NAALADL2: variants seen among roughly 807,000 people sequenced by gnomAD.
NAALADL2 encodes the protein inactive N-acetylated-alpha-linked acidic dipeptidase-like protein 2.
NAALADL2 carries 76 observed loss-of-function variants against 87.2 expected under a neutral mutation model. The ratio of observed to expected loss-of-function variants is 0.87; its 90% CI spans 0.72 to 1.05. The LOEUF is 1.05. NAALADL2 is among the 50% of genes least tolerant of loss of function. The pLI is 0.00. For synonymous variants in NAALADL2, 354 were observed against 331.0 expected (o/e 1.07, Z -0.75); for missense variants, 1,089 against 945.8 (o/e 1.15, Z -1.99).
intron 1 of NAALADL2, among the ~76,000 whole-genome samples, chr3:174,878,744 C>T (rs1728823140): frequency 6.6e-6 from 1 of 151,934 alleles, no homozygotes; most frequent in South Asian, 2.1e-4. Flanking sequence ...ACCCCTTCTG[C>T]TGTTCATTAA....
chr3:175,598,370 C>CTATT, intron 10 of NAALADL2, among the ~76,000 whole-genome samples: 1 of 148,554 alleles, frequency 6.7e-6, no homozygotes, highest in African/African-American at 2.5e-5. Flanking sequence ...TTTGTAAATG[C>CTATT]TATTGATTCT....
At chr3:174,826,028 A>AAC (rs1553866180) in intron 3 of NAALADL2, among the ~76,000 whole-genome samples, 6 of 150,458 alleles carry the variant, frequency 4.0e-5, no homozygotes, top group Non-Finnish European at 8.9e-5. Context: ...ACTCCATCTC[A>AAC]AACAACAACA....
chr3:174,884,974 GCA>G (rs927284575), intron 1 of NAALADL2, among the ~76,000 whole-genome samples: 3 of 152,112 alleles, frequency 2.0e-5, no homozygotes, highest in African/African-American at 4.8e-5. Flanking sequence ...GTCTCAGGCA[GCA>G]CAGTGTTTAT....
In NAALADL2 at chr3:175,799,530, C is replaced by T. The variant is rs140860985; in HGVS notation, c.2190-3475C>T. 9.4e-4 allele frequency among the ~76,000 whole-genome samples: 143 copies of T among 152,088 alleles called. 1 individual carries two copies. Among genetic ancestry groups the T allele is most frequent in the African/African-American group, 3.2e-3 (134 of 41,522 alleles). On this transcript the variant is annotated intron_variant, in intron 13 of 13. Coordinates refer to ENST00000454872, the MANE Select transcript of NAALADL2 (RefSeq NM_207015.3). ...GAAGCCAAGTCTTTTTCCTAAATGA[C>T]AAGAAAGCTTATGTTAGCCTGAAAA... is the stretch of plus-strand genomic sequence containing the variant.
intron 3 of NAALADL2, among the ~76,000 whole-genome samples, chr3:175,236,411 C>T (rs1206089806): frequency 6.6e-6 from 1 of 151,486 alleles, no homozygotes; most frequent in African/African-American, 2.4e-5. Context: ...TAACCGGGCC[C>T]GGTGGCAGGC....
chr3:174,717,275 C>T (rs1275206272), intron 2 of NAALADL2, among the ~76,000 whole-genome samples: 2 of 152,006 alleles, frequency 1.3e-5, no homozygotes, highest in African/African-American at 4.8e-5. Flanking sequence ...CAGAGAGACT[C>T]ATTATAAAGC....
At chr3:175,433,416 G>A (rs1407548333) in intron 5 of NAALADL2, among the ~76,000 whole-genome samples, 4 of 151,996 alleles carry the variant, frequency 2.6e-5, no homozygotes, top group Admixed American at 1.3e-4. Context: ...CCATTATCAT[G>A]GAAATGCTTT....
In NAALADL2 at chr3:174,746,922, T is replaced by C. The variant is rs1317146073; in HGVS notation, c.-9+9176T>C. Among the ~76,000 whole-genome samples the C allele has an allele frequency of 2.6e-5, 4 of 152,148 alleles. No individual in the cohort carries two copies. The East Asian group carries it at 7.8e-4, about 29-fold the overall frequency. On this transcript the variant is annotated intron_variant, in intron 3 of 3. Coordinates refer to the NAALADL2 transcript ENST00000434257. Reference sequence around the variant, plus strand: ...CCCTTCCTTACAGCTTATACAAACATTAAACTCAAGATGGATTAAAGACTG... The same window carrying C: ...CCCTTCCTTACAGCTTATACAAACACTAAACTCAAGATGGATTAAAGACTG...
intron 1 of NAALADL2, among the ~76,000 whole-genome samples, chr3:174,938,341 G>T (rs1380849262): frequency 6.6e-6 from 1 of 152,012 alleles, no homozygotes; most frequent in East Asian, 1.9e-4. Flanking sequence ...CCATGTTTCT[G>T]CAAAAGACGT....
intron 1 of NAALADL2, among the ~76,000 whole-genome samples, chr3:174,542,225 C>A: frequency 6.6e-6 from 1 of 152,134 alleles, no homozygotes; most frequent in East Asian, 1.9e-4. Context: ...TCATTTTATC[C>A]TGTCAGGACC....
intron 2 of NAALADL2, among the ~76,000 whole-genome samples, chr3:174,649,753 C>T (rs1454099267): frequency 6.6e-6 from 1 of 152,086 alleles, no homozygotes; most frequent in Non-Finnish European, 1.5e-5. Flanking sequence ...TATAACCTAG[C>T]CTAATTTTTC....
intron 2 of NAALADL2, among the ~76,000 whole-genome samples, chr3:175,229,532 CTGGAGGCTGG>C (rs1329233539): frequency 6.6e-6 from 1 of 151,864 alleles, no homozygotes; most frequent in Non-Finnish European, 1.5e-5. Flanking sequence ...TCTTATAATT[CTGGAGGCTGG>C]GAAGTTCAAG....
intron 2 of NAALADL2, among the ~76,000 whole-genome samples, chr3:174,638,681 G>A (rs1722887907): frequency 6.6e-6 from 1 of 151,960 alleles, no homozygotes; most frequent in Admixed American, 6.6e-5. Context: ...CATAATAAAG[G>A]CAACTATAAA....
chr3:175,514,577 C>A (rs977695589), intron 9 of NAALADL2, among the ~76,000 whole-genome samples: 1 of 152,022 alleles, frequency 6.6e-6, no homozygotes, highest in Admixed American at 6.6e-5. Context: ...CTGTATTATC[C>A]TCTCTTCCGG....
At chr3:175,252,318 G>C (rs1749198083) in intron 3 of NAALADL2, among the ~76,000 whole-genome samples, 2 of 152,092 alleles carry the variant, frequency 1.3e-5, no homozygotes, top group South Asian at 4.2e-4. Context: ...TTTTCATTAT[G>C]GTTATATGTG....
intron 1 of NAALADL2, among the ~76,000 whole-genome samples, chr3:174,525,544 A>G (rs1049278976): frequency 5.9e-5 from 9 of 152,182 alleles, no homozygotes; most frequent in Admixed American, 4.6e-4. Context: ...CACCCCCATG[A>G]TCCAGTCACC....
chr3:175,249,105 G>A (rs144836796), intron 3 of NAALADL2, among the ~76,000 whole-genome samples: 232 of 152,030 alleles, frequency 1.5e-3, no homozygotes, highest in African/African-American at 5.4e-3. Flanking sequence ...AGCTACTCTT[G>A]TTTATTTTTT....
chr3:175,607,552 AG>A (rs1429892719), intron 10 of NAALADL2, among the ~76,000 whole-genome samples: 2 of 152,122 alleles, frequency 1.3e-5, no homozygotes, highest in Non-Finnish European at 2.9e-5. Flanking sequence ...GGTGGTGTGG[AG>A]GGGTCAATAT....
At chr3:175,082,668 G>A (rs1449357248) in intron 1 of NAALADL2, among the ~76,000 whole-genome samples, 5 of 152,098 alleles carry the variant, frequency 3.3e-5, no homozygotes, top group Admixed American at 6.5e-5. Context: ...TATTTTTAAA[G>A]AATAACTAAA....
Sources: allele counts gnomAD v4.1 joint callset (sites outside exome capture counted in the v4.1 genomes callset), GRCh38; gene constraint gnomAD v4.1.1; transcripts MANE v1.5; gene names NCBI Gene and HGNC (gene_info 2026-07-23, HGNC 2026-07-21).